Variants in ABHD18 observed in about 807,000 individuals in gnomAD.
ABHD18 encodes the protein abhydrolase domain containing 18, also known as cardiolipin-specific deacylase, mitochondrial.
ABHD18 carries 55 observed loss-of-function variants against 65.9 expected under a neutral mutation model. The observed-to-expected ratio is 0.84, with a 90% confidence interval of 0.67 to 1.05. The LOEUF (loss-of-function observed/expected upper bound fraction) is 1.05, where lower values mean the gene tolerates loss of function less well. Ranked by LOEUF, ABHD18 falls within the 50% of genes least tolerant of loss-of-function variation. ABHD18 has a pLI of 0.00. For synonymous variants in ABHD18, 181 were observed against 180.2 expected (o/e 1.00, Z -0.04); for missense variants, 533 against 558.5 (o/e 0.95, Z 0.46).
intron 4 of ABHD18, among the ~76,000 whole-genome samples, chr4:127,991,333 T>C (rs1750882932): frequency 6.6e-6 from 1 of 152,128 alleles, no homozygotes; most frequent in African/African-American, 2.4e-5. Flanking sequence ...TTCAGGTGAT[T>C]CTCCTGCTGC....
intron 1 of ABHD18, among the ~76,000 whole-genome samples, chr4:127,970,353 G>A (rs1746494754): frequency 6.6e-6 from 1 of 152,010 alleles, no homozygotes; most frequent in South Asian, 2.1e-4. Context: ...AGCACTTTGG[G>A]AGGCCAAGAT....
At chr4:127,991,280 A>G (rs1750869601) in intron 4 of ABHD18, among the ~76,000 whole-genome samples, 1 of 151,754 alleles carries the variant, frequency 6.6e-6, no homozygotes, top group South Asian at 2.1e-4. Flanking sequence ...TGCCTAGGCT[A>G]GATGGAGAGC....
chr4:128,006,745 C>A (rs1297080195), intron 4 of ABHD18, among the ~76,000 whole-genome samples: 2 of 152,174 alleles, frequency 1.3e-5, no homozygotes, highest in Admixed American at 1.3e-4. Context: ...GTGATGGTTG[C>A]ACAACAGTGT....
At chr4:128,018,221 G>A (rs1298394613) in intron 8 of ABHD18, among the ~76,000 whole-genome samples, 1 of 152,100 alleles carries the variant, frequency 6.6e-6, no homozygotes, top group Non-Finnish European at 1.5e-5. Context: ...TTAGCAGTCT[G>A]TTTTCTCCAT....
intron 3 of ABHD18, among the ~76,000 whole-genome samples, chr4:127,989,062 A>T (rs1750473412): frequency 6.6e-6 from 1 of 152,244 alleles, no homozygotes. Context: ...AAGAAAATGT[A>T]CAAATATGCA....
chr4:128,008,576 A>G (rs1366462163), intron 4 of ABHD18, among the ~76,000 whole-genome samples: 2 of 152,084 alleles, frequency 1.3e-5, no homozygotes, highest in Non-Finnish European at 2.9e-5. Flanking sequence ...CGCCTGGCCA[A>G]TAGTTACTTC....
At chr4:128,028,412 T>C in intron 10 of ABHD18, 63 bp from the exon 11 acceptor site, 1 of 1,240,076 alleles carries the variant, frequency 8.1e-7, no homozygotes, top group Non-Finnish European at 1.1e-6. Context: ...CTTTTTTTTT[T>C]GACAAAGCTG....
intron 1 of ABHD18, among the ~76,000 whole-genome samples, chr4:127,969,223 C>T (rs1213343436): frequency 1.4e-5 from 2 of 140,650 alleles, no homozygotes. Context: ...TTTTTTGAGA[C>T]GGACTTTTGC....
At chr4:128,021,052 G>A (rs1756415776) in intron 9 of ABHD18, 85 bp from the exon 10 acceptor site, 2 of 705,882 alleles carry the variant, frequency 2.8e-6, no homozygotes, top group East Asian at 5.9e-5. Flanking sequence ...AAAAAAAAAG[G>A]TAGTCTCACA....
chr4:128,030,264 T>C (rs1758010695), intron 11 of ABHD18, among the ~76,000 whole-genome samples: 1 of 152,232 alleles, frequency 6.6e-6, no homozygotes, highest in African/African-American at 2.4e-5. Context: ...CCCATAAATA[T>C]ATACACCTAC....
At chr4:128,007,281 C>T (rs1417132506) in intron 4 of ABHD18, among the ~76,000 whole-genome samples, 2 of 146,846 alleles carry the variant, frequency 1.4e-5, no homozygotes, top group Non-Finnish European at 3.0e-5. Context: ...ATTGTGTCAC[C>T]GCACAATTGT....
intron 1 of ABHD18, among the ~76,000 whole-genome samples, chr4:127,981,182 A>G (rs1031319056): frequency 6.6e-6 from 1 of 152,182 alleles, no homozygotes; most frequent in Non-Finnish European, 1.5e-5. Flanking sequence ...CGATTGTTTC[A>G]ACTTGACCAT....
In ABHD18 at chr4:128,009,140, C is replaced by A. The variant is rs769855907; in HGVS notation, c.391C>A (p.Pro131Thr). The change falls in exon 6 of 13, where the codon CCT (proline) becomes ACT (threonine). Residue 131 changes from proline to threonine, a missense_variant. By Grantham distance (38) the Pro-to-Thr change is conservative. Transcript: ENST00000645843. The stretch of plus-strand genomic sequence containing the variant: ...GAGGCGACGAACACTAATGGCCCGT[C>A]CTATGATTAAAGAAGCCCGAATGGC... ...YWRRRTLMAR[P>T]MIKEARMASL... 6.5e-7 allele frequency: 1 copy of A among 1,540,406 alleles called. No homozygotes were observed. The highest frequency in any genetic ancestry group is 2.4e-5 in the East Asian group (1 of 41,494).
At chr4:127,972,617 G>A (rs148652581) in intron 1 of ABHD18, among the ~76,000 whole-genome samples, 2,123 of 148,940 alleles carry the variant, frequency 0.014, 58 homozygotes, top group African/African-American at 0.05. Context: ...TGTTGGCCGG[G>A]CTGGTTTTGA....
intron 10 of ABHD18, 77 bp downstream of exon 10, chr4:128,021,315 A>G (rs1033494171): frequency 2.3e-6 from 2 of 882,982 alleles, no homozygotes; most frequent in South Asian, 1.7e-5. Flanking sequence ...GTTTTTAAAG[A>G]GAATAGCAAA....
chr4:128,022,254 TA>T (rs1315658341), intron 10 of ABHD18, among the ~76,000 whole-genome samples: 1 of 152,178 alleles, frequency 6.6e-6, no homozygotes, highest in Non-Finnish European at 1.5e-5. Context: ...AATCAATCTG[TA>T]AAAAAGAAAA....
intron 8 of ABHD18, among the ~76,000 whole-genome samples, chr4:128,017,886 T>A (rs1320205511): frequency 6.6e-6 from 1 of 152,218 alleles, no homozygotes; most frequent in East Asian, 1.9e-4. Flanking sequence ...TTTTAGAGTG[T>A]ACTAAAATGG....
intron 8 of ABHD18, among the ~76,000 whole-genome samples, chr4:128,018,319 T>C (rs1031485898): frequency 1.5e-4 from 23 of 152,192 alleles, no homozygotes; most frequent in Non-Finnish European, 7.3e-5. Context: ...TAAAAAATTA[T>C]TAGTATTTTG....
intron 7 of ABHD18, 125 bp downstream of exon 7, chr4:128,011,825 C>A: frequency 1.9e-6 from 1 of 536,480 alleles, no homozygotes; most frequent in Non-Finnish European, 3.1e-6. Context: ...GGGGGGAGTT[C>A]TGTTATGAAA....
Sources: gnomAD v4.1 joint callset for allele counts (sites outside exome capture counted in the v4.1 genomes callset) on GRCh38, gnomAD v4.1.1 for gene constraint, MANE v1.5 for transcripts, NCBI Gene and HGNC (gene_info 2026-07-23, HGNC 2026-07-21) for gene names.